The following FER variants were observed in gnomAD, a reference collection of about 807,000 sequenced individuals.
FER encodes the protein FER tyrosine kinase, also known as tyrosine-protein kinase Fer.
In FER, 63 loss-of-function variants were observed where a neutral mutation model predicts 111.0. The ratio of observed to expected loss-of-function variants is 0.57; its 90% CI spans 0.46 to 0.70. FER has a LOEUF of 0.70. Ranked by LOEUF, FER falls within the 30% of genes least tolerant of loss-of-function variation. The probability of loss-of-function intolerance (pLI) is 0.00; values close to 1 mark genes in which losing one functional copy is unlikely to be tolerated. For missense variants in FER, 914 were observed against 954.0 expected (o/e 0.96, Z 0.55); for synonymous variants, 327 against 313.9 (o/e 1.04, Z -0.44).
chr5:109,007,605 A>G (rs1221946744), intron 13 of FER, among the ~76,000 whole-genome samples: 1 of 152,140 alleles, frequency 6.6e-6, no homozygotes, highest in Non-Finnish European at 1.5e-5. Context: ...CAAATCAGTA[A>G]TTTCCTCCTT....
At chr5:108,787,686 A>C (rs1162571153) in intron 2 of FER, among the ~76,000 whole-genome samples, 1 of 152,176 alleles carries the variant, frequency 6.6e-6, no homozygotes, top group Non-Finnish European at 1.5e-5. Flanking sequence ...ACCTGCTTGC[A>C]GAAAGGAGCT....
intron 10 of FER, among the ~76,000 whole-genome samples, chr5:108,919,440 A>C (rs1325451327): frequency 6.6e-6 from 1 of 152,274 alleles, no homozygotes; most frequent in South Asian, 2.1e-4. Flanking sequence ...GGAAAATTTT[A>C]AATTTTCCAA....
chr5:108,759,634 A>T (rs1489687355), intron 1 of FER, among the ~76,000 whole-genome samples: 1 of 152,204 alleles, frequency 6.6e-6, no homozygotes, highest in Non-Finnish European at 1.5e-5. Context: ...TAGACATCTC[A>T]TGAGGGCCTT....
intron 16 of FER, among the ~76,000 whole-genome samples, chr5:109,088,360 G>A (rs1028368398): frequency 7.2e-5 from 11 of 151,968 alleles, no homozygotes; most frequent in Non-Finnish European, 1.5e-4. Context: ...TTGTATTTAA[G>A]GTACTAAATT....
intron 3 of FER, chr5:108,820,578 A>T (rs1278680735): frequency 1.0e-6 from 1 of 979,808 alleles, no homozygotes; most frequent in Non-Finnish European, 1.2e-6. Flanking sequence ...AGATACTTAG[A>T]TTTACCTTTT....
chr5:108,836,012 T>C, intron 5 of FER: 1 of 290,270 alleles, frequency 3.4e-6, no homozygotes, highest in South Asian at 5.9e-5. Context: ...TATTTTCGAA[T>C]AGTTCATACT....
intron 8 of FER, 39 bp from the exon 9 acceptor site, chr5:108,883,357 T>G (rs1765858755): frequency 6.4e-7 from 1 of 1,550,414 alleles, no homozygotes; most frequent in African/African-American, 1.4e-5. Flanking sequence ...AAGTGAAAAT[T>G]AATTTGTTGG....
chr5:109,100,874 A>G (rs1748144354), intron 17 of FER, among the ~76,000 whole-genome samples: 1 of 151,876 alleles, frequency 6.6e-6, no homozygotes, highest in African/African-American at 2.4e-5. Context: ...TCATTTTCCA[A>G]AGAAATTACA....
chr5:108,793,520 G>GGGGGGGGGGGGGGGGGT (rs1755631463), intron 2 of FER, among the ~76,000 whole-genome samples: 2 of 83,046 alleles, frequency 2.4e-5, no homozygotes, highest in African/African-American at 5.5e-5. Flanking sequence ...TTGGCGGGGC[G>GGGGGGGGGGGGGGGGGT]GGGGGGGTGG....
intron 16 of FER, among the ~76,000 whole-genome samples, chr5:109,048,224 T>C (rs1201001907): frequency 6.6e-6 from 1 of 152,214 alleles, no homozygotes; most frequent in Non-Finnish European, 1.5e-5. Flanking sequence ...TGTTTTGTTA[T>C]ACTGCTTTGC....
intron 3 of FER, among the ~76,000 whole-genome samples, chr5:108,814,014 T>G (rs1245583313): frequency 6.6e-6 from 1 of 152,212 alleles, no homozygotes; most frequent in Non-Finnish European, 1.5e-5. Flanking sequence ...TAGATTTGAA[T>G]TCCTTTTATA....
chr5:108,913,370 C>G (rs1477580618), intron 10 of FER, among the ~76,000 whole-genome samples: 1 of 152,066 alleles, frequency 6.6e-6, no homozygotes, highest in Non-Finnish European at 1.5e-5. Flanking sequence ...AAACACTAAG[C>G]TAATGTATAG....
At chr5:108,998,158 G>T (rs1338672963) in intron 13 of FER, among the ~76,000 whole-genome samples, 1 of 148,772 alleles carries the variant, frequency 6.7e-6, no homozygotes, top group Non-Finnish European at 1.5e-5. Flanking sequence ...CTGTCTTGCT[G>T]GCGTTCCAGG....
chr5:108,797,315 C>T (rs1756139157), intron 2 of FER, among the ~76,000 whole-genome samples: 1 of 152,078 alleles, frequency 6.6e-6, no homozygotes, highest in Admixed American at 6.5e-5. Context: ...TTTGTTGCTG[C>T]AAGCTGTGCT....
intron 16 of FER, among the ~76,000 whole-genome samples, chr5:109,091,500 G>T (rs377398676): frequency 6.6e-6 from 1 of 152,118 alleles, no homozygotes; most frequent in Non-Finnish European, 1.5e-5. Flanking sequence ...GATAACTGCC[G>T]CGGGCAAAGA....
intron 13 of FER, among the ~76,000 whole-genome samples, chr5:108,965,400 T>A (rs557978608): frequency 2.0e-5 from 3 of 152,324 alleles, no homozygotes; most frequent in African/African-American, 7.2e-5. Flanking sequence ...TAGTTTTTGT[T>A]TGAAAGCATT....
intron 16 of FER, among the ~76,000 whole-genome samples, chr5:109,074,447 C>G (rs547246770): frequency 5.9e-5 from 9 of 152,206 alleles, no homozygotes; most frequent in African/African-American, 2.2e-4. Context: ...AGAAGTAAGT[C>G]AAAGATAGAA....
At chr5:108,986,035 C>T (rs184026791) in intron 13 of FER, among the ~76,000 whole-genome samples, 63 of 152,278 alleles carry the variant, frequency 4.1e-4, no homozygotes, top group African/African-American at 1.5e-3. Context: ...AGTGGTTATA[C>T]TTGTTTATAT....
chr5:109,142,602 C>T (rs1339054726), intron 17 of FER, among the ~76,000 whole-genome samples: 2 of 152,018 alleles, frequency 1.3e-5, no homozygotes, highest in East Asian at 1.9e-4. Flanking sequence ...CTAGGTACCA[C>T]GGATCCAAAG....
Sources: allele counts gnomAD v4.1 joint callset (sites outside exome capture counted in the v4.1 genomes callset), GRCh38; gene constraint gnomAD v4.1.1; transcripts MANE v1.5; gene names NCBI Gene and HGNC (gene_info 2026-07-23, HGNC 2026-07-21).